ACAP2: variants seen among roughly 807,000 people sequenced by gnomAD.
The protein encoded by ACAP2 is ArfGAP with coiled-coil, ankyrin repeat and PH domains 2.
In ACAP2, 39 loss-of-function variants were observed where a neutral mutation model predicts 115.8. The ratio of observed to expected loss-of-function variants is 0.34; its 90% confidence interval spans 0.26 to 0.44. The LOEUF (loss-of-function observed/expected upper bound fraction) is 0.44, where lower values mean the gene tolerates loss of function less well. ACAP2 is among the 20% of genes least tolerant of loss of function. The pLI is 1.00. For synonymous variants in ACAP2, 289 were observed against 315.8 expected, an observed-to-expected ratio of 0.92 and a Z score of 0.90; for missense variants, 662 against 927.6, an observed-to-expected ratio of 0.71 and a Z score of 3.72.
chr3:195,419,539 G>C (rs911581406), intron 1 of ACAP2: 2 of 152,208 alleles, frequency 1.3e-5, no homozygotes, highest in Admixed American at 6.5e-5. Context: ...ACTACCTTCA[G>C]ACCAGCCAGG....
rs1726224535 is a variant in ACAP2 at position 195,277,525 on chromosome 3, C to T, written c.*1803G>A. On this transcript the variant is annotated 3_prime_UTR_variant, in exon 23 of 23. Coordinates refer to ENST00000326793, the MANE Select transcript of ACAP2 (RefSeq NM_012287.6). ...TTACTAAATAAGCATTACATGCATG[C>T]AGTTTGGCCAAATTATGGAACCTTT... 1 of 152,156 alleles carries T rather than the reference C, an allele frequency of 6.6e-6. No individual in the cohort carries two copies. The highest frequency in any genetic ancestry group is 1.5e-5 in the Non-Finnish European group (1 of 68,032). 9.4% of individuals were successfully genotyped at this position (152,156 alleles called of 1,614,324 possible). A position where few individuals can be genotyped will look rare whatever the true frequency, so the allele number is the denominator to read the frequency against.
At chr3:195,288,092 T>G (rs1726965367) in intron 21 of ACAP2, among the ~76,000 whole-genome samples, 1 of 149,716 alleles carries the variant, frequency 6.7e-6, no homozygotes, top group South Asian at 2.1e-4. Context: ...AGAGCAAAAC[T>G]CTGTCTCAAA....
chr3:195,297,235 G>T lies in ACAP2; in HGVS notation c.1442C>A (p.Ala481Asp). Residue 481 changes from alanine to aspartate, a missense_variant, in exon 16 of 23, where the codon GCT becomes GAT. By Grantham distance (126) the Ala-to-Asp change is moderately radical. This residue lies in a region of ACAP2 where 401 missense variants were observed against 604.4 expected (regional missense o/e 0.66). Coordinates refer to ENST00000326793, the MANE Select transcript of ACAP2 (RefSeq NM_012287.6). ...GNDVINRVYEANVEKMGIKKP... is the reference protein window; with the variant it reads ...GNDVINRVYEDNVEKMGIKKP... ...CTTTATTCCCATTTTTTCCACATTA[G>T]CTTCATAAACTCGATTTATAACATC... 1 of 1,612,586 alleles carries T rather than the reference G, an allele frequency of 6.2e-7. No homozygotes were observed. Among genetic ancestry groups the T allele is most frequent in the Non-Finnish European group, 8.5e-7 (1 of 1,179,518 alleles).
intron 4 of ACAP2, among the ~76,000 whole-genome samples, chr3:195,363,799 C>A (rs2108704635): frequency 6.6e-6 from 1 of 152,226 alleles, no homozygotes; most frequent in Middle Eastern, 3.4e-3. Flanking sequence ...ATAGAGAACC[C>A]AGAAACAAAT....
intron 8 of ACAP2, among the ~76,000 whole-genome samples, chr3:195,331,276 T>G (rs76358026): frequency 4.5e-4 from 69 of 152,114 alleles, no homozygotes; most frequent in African/African-American, 1.5e-3. Context: ...ACATATACTC[T>G]GGTCAGTAAA....
chr3:195,414,688 G>A (rs535105106), intron 1 of ACAP2, among the ~76,000 whole-genome samples: 29 of 152,240 alleles, frequency 1.9e-4, no homozygotes, highest in African/African-American at 6.7e-4. Flanking sequence ...GAGACTTTTT[G>A]AGCAACCACA....
chr3:195,344,169 T>C (rs9859279), intron 5 of ACAP2, among the ~76,000 whole-genome samples: 1 of 152,016 alleles, frequency 6.6e-6, no homozygotes, highest in African/African-American at 2.4e-5. Context: ...AGTGAGTTAT[T>C]ATCAAGCCAC....
chr3:195,341,481 C>T (rs1002372916), intron 6 of ACAP2, among the ~76,000 whole-genome samples: 4 of 151,940 alleles, frequency 2.6e-5, no homozygotes, highest in East Asian at 1.9e-4. Context: ...CCCGCCACCA[C>T]GCCCAGCTAA....
chr3:195,338,617 G>A (rs777292179), intron 6 of ACAP2, among the ~76,000 whole-genome samples: 18 of 152,066 alleles, frequency 1.2e-4, no homozygotes, highest in Admixed American at 2.0e-4. Context: ...CCCTGCACCC[G>A]GCCAGATTTT....
At chr3:195,342,877 T>C (rs932396205) in intron 5 of ACAP2, among the ~76,000 whole-genome samples, 2 of 151,960 alleles carry the variant, frequency 1.3e-5, no homozygotes, top group South Asian at 4.2e-4. Flanking sequence ...GTGCCTGTAG[T>C]CCCAGTTACT....
intron 10 of ACAP2, among the ~76,000 whole-genome samples, chr3:195,319,071 A>G (rs1729274787): frequency 1.3e-5 from 2 of 152,248 alleles, no homozygotes; most frequent in Non-Finnish European, 2.9e-5. Flanking sequence ...AGGCCAAGGT[A>G]CAGCTCGGGC....
intron 2 of ACAP2, among the ~76,000 whole-genome samples, chr3:195,388,828 C>T (rs141803390): frequency 1.6e-3 from 239 of 152,236 alleles, no homozygotes; most frequent in African/African-American, 5.4e-3. Context: ...TCGAGACCAG[C>T]CTGGCCAATA....
In ACAP2 at chr3:195,442,902, C is replaced by T; in HGVS notation, c.-55G>A. The stretch of plus-strand genomic sequence containing the variant: ...AAAGCCGAGGGGGCCGCGGGAGCGG[C>T]CGCGCTGGGACGCAGACGGCTACGG... On this transcript the variant is annotated 5_prime_UTR_variant, in exon 1 of 23. Coordinates refer to ENST00000326793, the MANE Select transcript of ACAP2 (RefSeq NM_012287.6). 3 of 1,471,358 alleles carry T rather than the reference C, an allele frequency of 2.0e-6. No individual in the cohort carries two copies. The highest frequency in any genetic ancestry group is 2.7e-6 in the Non-Finnish European group (3 of 1,106,202). 91.1% of individuals were successfully genotyped at this position (1,471,358 alleles called of 1,614,324 possible). A position where few individuals can be genotyped will look rare whatever the true frequency, so the allele number is the denominator to read the frequency against.
chr3:195,381,602 C>G (rs1733942059), intron 3 of ACAP2, among the ~76,000 whole-genome samples: 1 of 152,120 alleles, frequency 6.6e-6, no homozygotes, highest in Non-Finnish European at 1.5e-5. Context: ...TGATCTTGAT[C>G]TTCCTGCTCA....
chr3:195,401,690 C>T (rs1480004516), intron 1 of ACAP2, among the ~76,000 whole-genome samples: 7 of 152,048 alleles, frequency 4.6e-5, no homozygotes, highest in Non-Finnish European at 8.8e-5. Flanking sequence ...GACTACAGAA[C>T]AGTAACGTGA....
intron 1 of ACAP2, among the ~76,000 whole-genome samples, chr3:195,438,297 G>A (rs1715723931): frequency 6.6e-6 from 1 of 151,670 alleles, no homozygotes; most frequent in Non-Finnish European, 1.5e-5. Flanking sequence ...CAAAGTGCTA[G>A]GATTACAGGT....
At chr3:195,363,790 T>C (rs908655196) in intron 4 of ACAP2, among the ~76,000 whole-genome samples, 3 of 152,068 alleles carry the variant, frequency 2.0e-5, no homozygotes, top group Middle Eastern at 6.8e-3. Flanking sequence ...AGGAACAGAA[T>C]AGAGAACCCA....
intron 8 of ACAP2, among the ~76,000 whole-genome samples, chr3:195,327,960 G>GTA (rs1216164550): frequency 6.6e-6 from 1 of 151,684 alleles, no homozygotes; most frequent in Non-Finnish European, 1.5e-5. Context: ...ATATATATAT[G>GTA]TATATATATA....
In ACAP2 at chr3:195,424,462, A is replaced by AT. The variant is rs201406580; in HGVS notation, c.53+18332dup. 3.5e-4 allele frequency among the ~76,000 whole-genome samples: 53 copies of AT among 149,538 alleles called. No homozygotes were observed. In the Middle Eastern group the frequency reaches 0.017, roughly 48 times the overall value. ...GGCGCCTGCCCACCATGTCCAGCTA[A>AT]TTTTTTTTGTATTTTCAGTAGAGAC... On this transcript the variant is annotated intron_variant, in intron 1 of 22. Coordinates refer to ENST00000326793, the MANE Select transcript of ACAP2 (RefSeq NM_012287.6).
Sources: gnomAD v4.1 joint callset for allele counts (sites outside exome capture counted in the v4.1 genomes callset) on GRCh38, gnomAD v4.1.1 for gene constraint, gnomAD v4.1.1 regional missense constraint, MANE v1.5 for transcripts, NCBI Gene and HGNC (gene_info 2026-07-23, HGNC 2026-07-21) for gene names.